The following CADPS2 variants were observed in gnomAD, a reference collection of about 807,000 sequenced individuals.
The protein encoded by CADPS2 is calcium dependent secretion activator 2, also known as calcium-dependent secretion activator 2.
In CADPS2, 93 loss-of-function variants were observed where a neutral mutation model predicts 172.5. The observed-to-expected ratio is 0.54, with a 90% CI of 0.46 to 0.64. The LOEUF is 0.64. CADPS2 is among the 30% of genes least tolerant of loss of function. The probability of loss-of-function intolerance (pLI) is 0.00; values close to 1 mark genes in which losing one functional copy is unlikely to be tolerated. For synonymous variants in CADPS2, 546 were observed against 555.2 expected (o/e 0.98, Z 0.23); for missense variants, 1,420 against 1,565.9 (o/e 0.91, Z 1.57).
At chr7:122,379,165 T>A in intron 25 of CADPS2, 1 of 402,446 alleles carries the variant, frequency 2.5e-6, no homozygotes, top group East Asian at 4.3e-5. Context: ...AAAGCCAAAA[T>A]TTATTATATA....
At position 122,837,573 on chromosome 7, in the gene CADPS2, G is replaced by A. The variant is rs1035667467; in HGVS notation, c.339+48426C>T. ...GAAAAGAGAGAAGAATCAAATAGACGCAATAAAAAATGATAAAGAGGATAT... is the reference window on the plus strand; with the variant it reads ...GAAAAGAGAGAAGAATCAAATAGACACAATAAAAAATGATAAAGAGGATAT... On this transcript the variant is annotated intron_variant, in intron 1 of 29. Coordinates refer to ENST00000449022, the MANE Select transcript of CADPS2 (RefSeq NM_017954.11). Among the ~76,000 whole-genome samples, 3 of 151,888 alleles carry A rather than the reference G, an allele frequency of 2.0e-5. 1 individual carries two copies. Among genetic ancestry groups the A allele is most frequent in the South Asian group, 4.2e-4 (2 of 4,812 alleles).
intron 6 of CADPS2, among the ~76,000 whole-genome samples, chr7:122,595,497 T>C (rs2071621381): frequency 6.6e-6 from 1 of 152,084 alleles, no homozygotes; most frequent in Non-Finnish European, 1.5e-5. Context: ...GTACATACTA[T>C]TCTTAATTGC....
intron 1 of CADPS2, among the ~76,000 whole-genome samples, chr7:122,769,375 G>C (rs1369206505): frequency 1.3e-5 from 2 of 152,096 alleles, no homozygotes; most frequent in Non-Finnish European, 2.9e-5. Flanking sequence ...AACTTACAGG[G>C]ACACAATTCT....
chr7:122,394,827 C>T (rs188966083), intron 20 of CADPS2, among the ~76,000 whole-genome samples: 2 of 152,194 alleles, frequency 1.3e-5, no homozygotes, highest in South Asian at 2.1e-4. Flanking sequence ...TATGATCTCT[C>T]TGGCTGCTGT....
chr7:122,613,052 G>C (rs1396875886), intron 6 of CADPS2, among the ~76,000 whole-genome samples: 1 of 152,042 alleles, frequency 6.6e-6, no homozygotes, highest in African/African-American at 2.4e-5. Context: ...ACCTAAAATG[G>C]ATCAGTGACC....
chr7:122,541,867 GCATATATATTTATATATATT>G (rs1313405434), intron 8 of CADPS2, among the ~76,000 whole-genome samples: 10 of 97,130 alleles, frequency 1.0e-4, no homozygotes, highest in Admixed American at 5.0e-4. Flanking sequence ...TTATATATAT[GCATATATATTTATATATATT>G]CATATATATT....
rs557733579 is a variant in CADPS2, at chr7:122,592,523, A to G, written c.1224-11233T>C. Among the ~76,000 whole-genome samples the G allele has an allele frequency of 3.6e-4, 55 of 152,308 alleles. No individual in the cohort carries two copies. The South Asian group carries it at 8.5e-3, about 24-fold the overall frequency. Reference sequence around the variant, plus strand: ...ACAGGATTATAAATCATGCTGCTATAAAGACACATGCACACGTATGTTTAT... The same window carrying G: ...ACAGGATTATAAATCATGCTGCTATGAAGACACATGCACACGTATGTTTAT... On this transcript the variant is annotated intron_variant, in intron 6 of 29. Transcript: ENST00000449022.
intron 8 of CADPS2, among the ~76,000 whole-genome samples, chr7:122,516,176 T>C (rs918459851): frequency 2.0e-5 from 3 of 152,160 alleles, no homozygotes; most frequent in African/African-American, 7.2e-5. Context: ...AGGTATCAAG[T>C]ATCCCTATCT....
chr7:122,574,205 G>T (rs539328862), intron 7 of CADPS2, among the ~76,000 whole-genome samples: 1 of 151,836 alleles, frequency 6.6e-6, no homozygotes, highest in Non-Finnish European at 1.5e-5. Context: ...AAGCAATCTG[G>T]GGGGCTGAGG....
intron 2 of CADPS2, among the ~76,000 whole-genome samples, chr7:122,706,473 A>G (rs992572195): frequency 2.7e-5 from 4 of 146,478 alleles, no homozygotes; most frequent in African/African-American, 9.9e-5. Flanking sequence ...ATATATGTTT[A>G]TATATTCCTT....
chr7:122,409,800 T>C (rs1244739466), intron 19 of CADPS2, among the ~76,000 whole-genome samples: 1 of 152,160 alleles, frequency 6.6e-6, no homozygotes, highest in African/African-American at 2.4e-5. Context: ...CCCTAGGGTA[T>C]TACTTCCTGT....
chr7:122,698,582 T>C (rs1564096297), intron 2 of CADPS2: 9 of 1,614,104 alleles, frequency 5.6e-6, no homozygotes, highest in Middle Eastern at 1.6e-4. Flanking sequence ...ATTTTCTGTG[T>C]GAAGGTACAA....
At chr7:122,386,692 C>T (rs1185048575) in intron 24 of CADPS2, among the ~76,000 whole-genome samples, 1 of 152,050 alleles carries the variant, frequency 6.6e-6, no homozygotes, top group Non-Finnish European at 1.5e-5. Flanking sequence ...ACTCTGGATA[C>T]TCTAGATTTG....
intron 14 of CADPS2, among the ~76,000 whole-genome samples, chr7:122,461,991 C>A (rs2054507688): frequency 2.6e-5 from 4 of 152,226 alleles, no homozygotes; most frequent in Admixed American, 2.6e-4. Context: ...CACTGTACAC[C>A]TAGCAAAACT....
intron 9 of CADPS2, among the ~76,000 whole-genome samples, chr7:122,500,440 A>T (rs1405363608): frequency 1.3e-5 from 2 of 152,206 alleles, no homozygotes; most frequent in Non-Finnish European, 2.9e-5. Context: ...TTAACAGCAC[A>T]CATAACTCAA....
chr7:122,620,305 G>T (rs1399351370), intron 5 of CADPS2, among the ~76,000 whole-genome samples: 1 of 152,122 alleles, frequency 6.6e-6, no homozygotes, highest in Non-Finnish European at 1.5e-5. Flanking sequence ...AAATCATGGG[G>T]AGGGGAAGCT....
chr7:122,775,440 G>C (rs185400446), intron 1 of CADPS2, among the ~76,000 whole-genome samples: 1 of 152,256 alleles, frequency 6.6e-6, no homozygotes, highest in African/African-American at 2.4e-5. Context: ...CATCTAAAGT[G>C]CATCTGTGTC....
Position 122,438,376 on chromosome 7 carries a change from T to C in CADPS2, c.2441A>G (p.Asn814Ser), listed in dbSNP as rs760140285. ...RKCLEKAALI[N>S]YTRLTEYAKI... Reference sequence around the variant, plus strand: ...GGCATATTCTGTGAGTCTAGTGTAATTGATCAAGGCAGCTTTCTCGAGACA... The same window carrying C: ...GGCATATTCTGTGAGTCTAGTGTAACTGATCAAGGCAGCTTTCTCGAGACA... Residue 814 changes from asparagine (N) to serine (S), a missense_variant, in exon 17 of 30, where the codon AAT becomes AGT. Coordinates refer to ENST00000449022, the MANE Select transcript of CADPS2 (RefSeq NM_017954.11). 13 of 1,613,064 alleles carry C rather than the reference T, an allele frequency of 8.1e-6. No homozygotes were observed. Among genetic ancestry groups the C allele is most frequent in the Admixed American group, 3.3e-5 (2 of 59,928 alleles).
At chr7:122,535,111 T>C (rs2062122287) in intron 8 of CADPS2, among the ~76,000 whole-genome samples, 1 of 152,114 alleles carries the variant, frequency 6.6e-6, no homozygotes, top group Non-Finnish European at 1.5e-5. Context: ...ACACAAGTAT[T>C]TGAGTTGCCT....
Sources: allele counts gnomAD v4.1 joint callset (sites outside exome capture counted in the v4.1 genomes callset), GRCh38; gene constraint gnomAD v4.1.1; transcripts MANE v1.5; gene names NCBI Gene and HGNC (gene_info 2026-07-23, HGNC 2026-07-21).